Variants in SPIDR observed in about 807,000 individuals in gnomAD.
SPIDR encodes DNA repair-scaffolding protein.
A neutral mutation model predicts 104.6 loss-of-function variants in SPIDR; 93 were observed. The ratio of observed to expected loss-of-function variants is 0.89; its 90% CI spans 0.75 to 1.06. The LOEUF (loss-of-function observed/expected upper bound fraction) is 1.06, where lower values mean the gene tolerates loss of function less well. SPIDR is among the 50% of genes least tolerant of loss of function. SPIDR has a pLI of 0.00. For synonymous variants in SPIDR, 431 were observed against 416.9 expected, an observed-to-expected ratio of 1.03 and a Z score of -0.41; for missense variants, 1,154 against 1,111.2, an observed-to-expected ratio of 1.04 and a Z score of -0.55.
At chr8:47,463,119 G>A (rs2074213222) in intron 8 of SPIDR, among the ~76,000 whole-genome samples, 1 of 152,142 alleles carries the variant, frequency 6.6e-6, no homozygotes, top group African/African-American at 2.4e-5. Context: ...AGCACTTTGG[G>A]AGGCTGAGGC....
chr8:47,477,241 C>A lies in SPIDR; in HGVS notation c.1097+36699C>A, dbSNP rs192814873. On this transcript the variant is annotated intron_variant, in intron 8 of 19. Transcript: ENST00000297423. ...TTGAGACAGAGTCTCGCTCTGTTGC[C>A]CAGGTTGGAGTGCAGTGGTGCTATC... Among the ~76,000 whole-genome samples the A allele has an allele frequency of 2.8e-3, 421 of 152,166 alleles. 1 individual carries two copies. The highest frequency in any genetic ancestry group is 9.9e-3 in the African/African-American group (411 of 41,520).
chr8:47,715,528 T>A (rs1589458897), intron 16 of SPIDR, among the ~76,000 whole-genome samples: 1 of 152,248 alleles, frequency 6.6e-6, no homozygotes, highest in South Asian at 2.1e-4. Flanking sequence ...GGTGCAAAAA[T>A]AATTGTGGTT....
chr8:47,349,927 G>T (rs2053104643), intron 5 of SPIDR, among the ~76,000 whole-genome samples: 1 of 152,298 alleles, frequency 6.6e-6, no homozygotes, highest in African/African-American at 2.4e-5. Flanking sequence ...GTGCTTCCTG[G>T]GTGAGGCGAT....
intron 8 of SPIDR, among the ~76,000 whole-genome samples, chr8:47,566,442 T>A (rs1299604531): frequency 6.6e-6 from 1 of 152,044 alleles, no homozygotes; most frequent in Non-Finnish European, 1.5e-5. Flanking sequence ...AAGTGAGTAG[T>A]CATAGAATTG....
chr8:47,556,595 A>T (rs2091353448), intron 8 of SPIDR, among the ~76,000 whole-genome samples: 1 of 151,902 alleles, frequency 6.6e-6, no homozygotes, highest in African/African-American at 2.4e-5. Context: ...TTATTTTCTT[A>T]TTTTGTTTTT....
chr8:47,393,314 C>G (rs1199580100), intron 5 of SPIDR, among the ~76,000 whole-genome samples: 1 of 152,204 alleles, frequency 6.6e-6, no homozygotes, highest in Non-Finnish European at 1.5e-5. Context: ...TTCCCACTAC[C>G]TCTCAGATCC....
At position 47,713,477 on chromosome 8, in the gene SPIDR, C is replaced by T; in HGVS notation, c.2189-12C>T. 6.2e-7 allele frequency: 1 copy of T among 1,614,108 alleles called. No homozygotes were observed. The highest frequency in any genetic ancestry group is 8.5e-7 in the Non-Finnish European group (1 of 1,179,992). On this transcript the variant is annotated splice_polypyrimidine_tract_variant and intron_variant, in intron 15 of 19. Coordinates refer to ENST00000297423, the MANE Select transcript of SPIDR (RefSeq NM_001080394.4). ...TCAAGGCTTCAATAACCTGAAGTGT[C>T]TCTGTCGGCAGGTCGGATTGTTTGT...
chr8:47,326,479 A>C (rs1554600404), intron 5 of SPIDR, among the ~76,000 whole-genome samples: 1 of 152,226 alleles, frequency 6.6e-6, no homozygotes, highest in Non-Finnish European at 1.5e-5. Flanking sequence ...CATAGCATCA[A>C]ATTAACATTC....
At chr8:47,713,377 A>G (rs2154488740) in intron 15 of SPIDR, 112 bp from the exon 16 acceptor site, 2 of 1,469,770 alleles carry the variant, frequency 1.4e-6, no homozygotes, top group Admixed American at 1.7e-5. Flanking sequence ...ACACAGTCCC[A>G]TAACTGCACC....
At chr8:47,439,027 C>A (rs1362673386) in intron 7 of SPIDR, among the ~76,000 whole-genome samples, 1 of 151,790 alleles carries the variant, frequency 6.6e-6, no homozygotes, top group Admixed American at 6.6e-5. Flanking sequence ...TATGTTGTAC[C>A]CTTCATTTTT....
chr8:47,496,051 G>T (rs183947129), intron 8 of SPIDR, among the ~76,000 whole-genome samples: 6 of 152,126 alleles, frequency 3.9e-5, no homozygotes, highest in Non-Finnish European at 5.9e-5. Context: ...TATTGATCTT[G>T]TATCATATAA....
At chr8:47,304,756 T>A (rs1438230936) in intron 5 of SPIDR, among the ~76,000 whole-genome samples, 3 of 152,188 alleles carry the variant, frequency 2.0e-5, no homozygotes, top group Non-Finnish European at 4.4e-5. Flanking sequence ...TTACCCAGTC[T>A]CAGGTATATC....
chr8:47,471,627 T>TA lies in SPIDR; in HGVS notation c.1097+31087dup, dbSNP rs2075720203. ...GAAATGAAAGTGTTCTGGAAGTAGATAATGTTGAAGGTTATATAACATCAT... is the reference window on the plus strand; with the variant it reads ...GAAATGAAAGTGTTCTGGAAGTAGATAAATGTTGAAGGTTATATAACATCAT... On this transcript the variant is annotated intron_variant, in intron 8 of 19. Transcript: ENST00000297423. Among the ~76,000 whole-genome samples the TA allele has an allele frequency of 2.0e-5, 3 of 152,344 alleles. No homozygotes were observed. The South Asian group carries it at 6.2e-4, about 32-fold the overall frequency.
At chr8:47,310,936 T>C (rs1274652670) in intron 5 of SPIDR, among the ~76,000 whole-genome samples, 2 of 152,176 alleles carry the variant, frequency 1.3e-5, no homozygotes, top group Non-Finnish European at 2.9e-5. Flanking sequence ...CCATATTCAG[T>C]AGACACACAC....
At position 47,599,105 on chromosome 8, in the gene SPIDR, G is replaced by A. The variant is rs1226820782; in HGVS notation, c.1453G>A (p.Val485Met). ...ASWPGAGVRV[V>M]VQRVYSLPSR... Reference sequence around the variant, plus strand: ...GTGGCCAGGAGCTGGAGTCCGAGTGGTGGTGCAAAGAGTGTATTCTCTTCC... The same window carrying A: ...GTGGCCAGGAGCTGGAGTCCGAGTGATGGTGCAAAGAGTGTATTCTCTTCC... The change falls in exon 10 of 20, where the codon GTG (valine) becomes ATG (methionine). Residue 485 changes from valine to methionine, a missense_variant. Physicochemically the swap from Val to Met is conservative, Grantham distance 21. Coordinates refer to ENST00000297423, the MANE Select transcript of SPIDR (RefSeq NM_001080394.4). 1 of 1,612,908 alleles carries A rather than the reference G, an allele frequency of 6.2e-7. No homozygotes were observed. The highest frequency in any genetic ancestry group is 8.5e-7 in the Non-Finnish European group (1 of 1,179,506).
chr8:47,462,763 CAG>C (rs1190405667), intron 8 of SPIDR, among the ~76,000 whole-genome samples: 1 of 152,110 alleles, frequency 6.6e-6, no homozygotes, highest in Admixed American at 6.6e-5. Context: ...TAGAGAAAAT[CAG>C]AGAGCATTTC....
chr8:47,611,754 T>G (rs114599060), intron 10 of SPIDR, among the ~76,000 whole-genome samples: 450 of 152,234 alleles, frequency 3.0e-3, no homozygotes, highest in African/African-American at 9.4e-3. Context: ...TTTAAAGCAT[T>G]TATTACAATT....
intron 5 of SPIDR, among the ~76,000 whole-genome samples, chr8:47,386,080 G>A (rs115461142): frequency 3.0e-4 from 46 of 151,872 alleles, no homozygotes; most frequent in African/African-American, 1.1e-3. Flanking sequence ...CTCTGGATAG[G>A]TAGTTATTCC....
intron 11 of SPIDR, among the ~76,000 whole-genome samples, chr8:47,685,517 A>ATTTTTTTTTT (rs370526185): frequency 1.7e-4 from 22 of 130,098 alleles, no homozygotes; most frequent in Admixed American, 2.4e-4. Flanking sequence ...TTATTTATTT[A>ATTTTTTTTTT]TTTTTTTGAG....
Sources: allele counts gnomAD v4.1 joint callset (sites outside exome capture counted in the v4.1 genomes callset), GRCh38; gene constraint gnomAD v4.1.1; transcripts MANE v1.5; gene names NCBI Gene and HGNC (gene_info 2026-07-23, HGNC 2026-07-21).